The following SLC2A12 variants were observed in gnomAD, a reference collection of about 807,000 sequenced individuals.
The protein encoded by SLC2A12 is solute carrier family 2, facilitated glucose transporter member 12.
In SLC2A12, 23 loss-of-function variants were observed where a neutral mutation model predicts 41.8. That is an observed-to-expected ratio of 0.55 (90% CI 0.40 to 0.78). SLC2A12 has a LOEUF of 0.78. Ranked by LOEUF, SLC2A12 falls within the 30% of genes least tolerant of loss-of-function variation. The pLI is 0.00. For missense variants in SLC2A12, 654 were observed against 745.6 expected, an observed-to-expected ratio of 0.88 and a Z score of 1.43; for synonymous variants, 295 against 285.9, an observed-to-expected ratio of 1.03 and a Z score of -0.32.
At chr6:134,052,250 TAC>T (rs55702666) in intron 1 of SLC2A12, 126 bp downstream of exon 1, 32,768 of 369,066 alleles carry the variant, frequency 0.089, 597 homozygotes, top group East Asian at 0.25. Flanking sequence ...CGCGCGCGCA[TAC>T]ACACACACAC....
Position 134,029,395 on chromosome 6 carries a change from T to C in SLC2A12, c.430A>G (p.Ile144Val), listed in dbSNP as rs142005982. 2.5e-6 allele frequency: 4 copies of C among 1,614,036 alleles called. No homozygotes were observed. In the African/African-American group the frequency reaches 4.0e-5, roughly 16 times the overall value. The change falls in exon 2 of 5, where the codon ATC becomes GTC. Residue 144 changes from isoleucine (I) to valine (V), a missense_variant. Ile to Val is a conservative substitution (Grantham distance 29, BLOSUM62 3). Coordinates refer to ENST00000275230, the MANE Select transcript of SLC2A12 (RefSeq NM_145176.3). ...IVGRIAIGVS[I>V]SLSSIATCVY... is the part of the protein sequence containing the mutation. Reference sequence around the variant, plus strand: ...CAAGTGGCAATGGAAGAGAGGGAGATGGAGACCCCTATGGCAATGCGTCCC... The same window carrying C: ...CAAGTGGCAATGGAAGAGAGGGAGACGGAGACCCCTATGGCAATGCGTCCC...
rs529938563 is a variant in SLC2A12 at position 133,995,531 on chromosome 6, C to T, written c.1701-4223G>A. On this transcript the variant is annotated intron_variant, in intron 4 of 4. Coordinates refer to ENST00000275230, the MANE Select transcript of SLC2A12 (RefSeq NM_145176.3). ...TTTCCAGAGAGAAAGTGATCTGGAACATGTGTCTAGGAGAGAAGCAAAGTT... is the reference window on the plus strand; with the variant it reads ...TTTCCAGAGAGAAAGTGATCTGGAATATGTGTCTAGGAGAGAAGCAAAGTT... Among the ~76,000 whole-genome samples, 10 of 152,266 alleles carry T rather than the reference C, an allele frequency of 6.6e-5. No homozygotes were observed. In the South Asian group the frequency reaches 2.1e-3, roughly 32 times the overall value.
chr6:134,005,458 A>G (rs924414635), intron 3 of SLC2A12, among the ~76,000 whole-genome samples: 2 of 151,804 alleles, frequency 1.3e-5, no homozygotes, highest in Non-Finnish European at 2.9e-5. Flanking sequence ...GGAGTTCGAG[A>G]CCAGCCTGAG....
chr6:134,015,309 C>T lies in SLC2A12; in HGVS notation c.1445-8375G>A, dbSNP rs76935432. ...GACCAACACACACACTGGGGCCTAT[C>T]GAAGGAGTGTGTGGGGGGAAGGAGA... On this transcript the variant is annotated intron_variant, in intron 2 of 4. Transcript: ENST00000275230. Among the ~76,000 whole-genome samples, 1,048 of 152,100 alleles carry T rather than the reference C, an allele frequency of 6.9e-3. 13 individuals are homozygous for T. Among genetic ancestry groups the T allele is most frequent in the African/African-American group, 0.024 (993 of 41,482 alleles).
chr6:134,039,061 C>A (rs1777345447), intron 1 of SLC2A12, among the ~76,000 whole-genome samples: 1 of 152,162 alleles, frequency 6.6e-6, no homozygotes. Context: ...GGTGCATTTT[C>A]TTCTAAATTT....
chr6:134,011,510 C>A (rs1217139181), intron 2 of SLC2A12, among the ~76,000 whole-genome samples: 1 of 152,006 alleles, frequency 6.6e-6, no homozygotes, highest in African/African-American at 2.4e-5. Context: ...GTAGTCTCAG[C>A]TACCCAGGAG....
intron 1 of SLC2A12, among the ~76,000 whole-genome samples, chr6:134,038,880 C>T (rs1365569225): frequency 6.6e-6 from 1 of 150,398 alleles, no homozygotes; most frequent in African/African-American, 2.5e-5. Flanking sequence ...AATTTTTATA[C>T]TTTTAGTAGA....
intron 2 of SLC2A12, among the ~76,000 whole-genome samples, chr6:134,007,930 C>T (rs919226410): frequency 1.3e-5 from 2 of 152,152 alleles, no homozygotes; most frequent in Admixed American, 6.5e-5. Context: ...GGAATTCATG[C>T]TTTTTTGTCA....
chr6:134,052,476 A>G lies in SLC2A12; in HGVS notation c.5T>C (p.Val2Ala). M[V>A]PVENTEGPSL... ...GGGGCCCTCGGTGTTTTCAACAGGTACCATGGTCACGTAGAAGTTACAGCC... is the reference window on the plus strand; with the variant it reads ...GGGGCCCTCGGTGTTTTCAACAGGTGCCATGGTCACGTAGAAGTTACAGCC... The change falls in exon 1 of 5, where the codon GTA (valine) becomes GCA (alanine). Residue 2 changes from valine to alanine, a missense_variant. Val to Ala is a moderately conservative substitution (Grantham distance 64). Around this residue, in one of 3 missense-constraint regions of SLC2A12, gnomAD observed 109 missense variants for 153.0 expected, o/e 0.71. Coordinates refer to ENST00000275230, the MANE Select transcript of SLC2A12 (RefSeq NM_145176.3). 6.2e-7 allele frequency: 1 copy of G among 1,612,734 alleles called. No individual in the cohort carries two copies.
rs13206352 is a variant in SLC2A12, at chr6:134,032,424, A to G, written c.104-2703T>C. Among the ~76,000 whole-genome samples the G allele has an allele frequency of 9.7e-5, 4 of 41,212 alleles. No homozygotes were observed. The East Asian group carries it at 1.7e-3, about 17-fold the overall frequency. 27.0% of individuals were successfully genotyped at this position (41,212 alleles called of 152,430 possible). On this transcript the variant is annotated intron_variant, in intron 1 of 4. Coordinates refer to ENST00000275230, the MANE Select transcript of SLC2A12 (RefSeq NM_145176.3). Reference sequence around the variant, plus strand: ...GGGAGAAATATATATATATATATATATTTATATATATATATATATATATAA... The same window carrying G: ...GGGAGAAATATATATATATATATATGTTTATATATATATATATATATATAA...
At chr6:133,996,751 T>C (rs1776692521) in intron 4 of SLC2A12, among the ~76,000 whole-genome samples, 1 of 152,348 alleles carries the variant, frequency 6.6e-6, no homozygotes, top group East Asian at 1.9e-4. Context: ...CCTCAGCTTC[T>C]GTGCACAAGC....
At chr6:134,002,376 ATCT>A (rs1459232515) in intron 3 of SLC2A12, among the ~76,000 whole-genome samples, 6 of 151,484 alleles carry the variant, frequency 4.0e-5, no homozygotes, top group African/African-American at 1.2e-4. Flanking sequence ...ACCCAATGTC[ATCT>A]TCTTGGTGGG....
At chr6:134,001,828 A>C (rs1485866189) in intron 4 of SLC2A12, among the ~76,000 whole-genome samples, 169 bp downstream of exon 4, 1 of 152,108 alleles carries the variant, frequency 6.6e-6, no homozygotes, top group Non-Finnish European at 1.5e-5. Flanking sequence ...CCCAAATTAA[A>C]GACAAAGCAG....
At chr6:134,049,555 C>CA (rs1214737990) in intron 1 of SLC2A12, among the ~76,000 whole-genome samples, 1 of 152,218 alleles carries the variant, frequency 6.6e-6, no homozygotes, top group Non-Finnish European at 1.5e-5. Context: ...TCTAATATCT[C>CA]ACTTCATTTA....
chr6:134,004,754 T>C (rs1776791799), intron 3 of SLC2A12, among the ~76,000 whole-genome samples: 1 of 152,226 alleles, frequency 6.6e-6, no homozygotes, highest in Non-Finnish European at 1.5e-5. Context: ...ACCTTTCTTA[T>C]ATGATCCACA....
At chr6:134,021,664 G>A (rs535550266) in intron 2 of SLC2A12, among the ~76,000 whole-genome samples, 345 of 152,252 alleles carry the variant, frequency 2.3e-3, no homozygotes, top group Non-Finnish European at 3.6e-3. Flanking sequence ...GAAAAATCAC[G>A]TAAAGGTCAC....
rs1319349575 is a variant in SLC2A12 at position 134,029,617 on chromosome 6, T to G, written c.208A>C (p.Thr70Pro). Residue 70 changes from threonine (T) to proline (P), a missense_variant, in exon 2 of 5, where the codon ACC (threonine) becomes CCC (proline). By Grantham distance (38) the Thr-to-Pro change is conservative (BLOSUM62 -1). Transcript: ENST00000275230. ...TCATGGCAGCTCAGGGCTAATAAGGTTTTGATCTGAAGAAGAGCCCCAGAG... is the reference window on the plus strand; with the variant it reads ...TCATGGCAGCTCAGGGCTAATAAGGGTTTGATCTGAAGAAGAGCCCCAGAG... ...IISGALLQIK[T>P]LLALSCHEQE... 2 of 1,613,646 alleles carry G rather than the reference T, an allele frequency of 1.2e-6. No individual in the cohort carries two copies. The highest frequency in any genetic ancestry group is 1.7e-6 in the Non-Finnish European group (2 of 1,179,950).
intron 1 of SLC2A12, among the ~76,000 whole-genome samples, chr6:134,048,248 C>T (rs1021282080): frequency 2.6e-5 from 4 of 152,100 alleles, no homozygotes; most frequent in African/African-American, 9.7e-5. Flanking sequence ...TAAATCTGGT[C>T]TCATGACCAC....
At chr6:134,035,441 A>T (rs1777283619) in intron 1 of SLC2A12, among the ~76,000 whole-genome samples, 1 of 152,038 alleles carries the variant, frequency 6.6e-6, no homozygotes, top group East Asian at 1.9e-4. Flanking sequence ...GGCCCAAAAA[A>T]TCTGGACAGG....
Sources: allele counts gnomAD v4.1 joint callset (sites outside exome capture counted in the v4.1 genomes callset), GRCh38; gene constraint gnomAD v4.1.1; regional missense constraint gnomAD v4.1.1; transcripts MANE v1.5; gene names NCBI Gene and HGNC (gene_info 2026-07-23, HGNC 2026-07-21).